CALN1: variants seen among roughly 807,000 people sequenced by gnomAD.
The protein encoded by CALN1 is calneuron 1.
A neutral mutation model predicts 30.6 loss-of-function variants in CALN1; 17 were observed. That is an observed-to-expected ratio of 0.56 (90% CI 0.38 to 0.83). The LOEUF is 0.83. Among genes scored for constraint, CALN1 ranks in the 40% least tolerant of loss-of-function variants. CALN1 has a pLI of 0.00. For missense variants in CALN1, 291 were observed against 354.9 expected (o/e 0.82, Z 1.45); for synonymous variants, 156 against 131.4 (o/e 1.19, Z -1.28).
At chr7:71,972,700 T>G (rs1797908187) in intron 5 of CALN1, among the ~76,000 whole-genome samples, 1 of 152,204 alleles carries the variant, frequency 6.6e-6, no homozygotes, top group Admixed American at 6.5e-5. Flanking sequence ...TTGATTACCA[T>G]GCAGCTTTCA....
chr7:71,930,898 G>C (rs1020380124), intron 5 of CALN1, among the ~76,000 whole-genome samples: 1 of 152,140 alleles, frequency 6.6e-6, no homozygotes. Flanking sequence ...AGTCTTCTCT[G>C]ACTTCTTTGT....
intron 4 of CALN1, among the ~76,000 whole-genome samples, chr7:72,081,382 T>C (rs527477725): frequency 7.6e-6 from 1 of 131,220 alleles, no homozygotes; most frequent in South Asian, 2.4e-4. Flanking sequence ...ATGAGAACAG[T>C]TGGCATAAGA....
chr7:72,113,334 C>A (rs2129541679), intron 3 of CALN1, among the ~76,000 whole-genome samples: 1 of 152,302 alleles, frequency 6.6e-6, no homozygotes, highest in South Asian at 2.1e-4. Flanking sequence ...GATCTTTGCA[C>A]ACACTGGCTC....
At chr7:72,158,842 A>T (rs1787903199) in intron 3 of CALN1, among the ~76,000 whole-genome samples, 2 of 151,702 alleles carry the variant, frequency 1.3e-5, no homozygotes, top group South Asian at 4.2e-4. Context: ...ATTATGTGAG[A>T]TTTATTTATT....
chr7:72,363,764 T>C (rs1169110265), intron 2 of CALN1, among the ~76,000 whole-genome samples: 1 of 144,090 alleles, frequency 6.9e-6, no homozygotes, highest in Non-Finnish European at 1.5e-5. Flanking sequence ...TCTTGCTCTG[T>C]CACCCAGGCT....
In CALN1 at chr7:71,785,157, T is replaced by C; in HGVS notation, c.*2618A>G. On this transcript the variant is annotated 3_prime_UTR_variant, in exon 7 of 7. Coordinates refer to ENST00000395275, the MANE Select transcript of CALN1 (RefSeq NM_031468.4). Reference sequence around the variant, plus strand: ...ATAACTCCTAGGCTGTCAGAAAGAATTCTGTGTCTTCCTTCTTGCCATCTC... The same window carrying C: ...ATAACTCCTAGGCTGTCAGAAAGAACTCTGTGTCTTCCTTCTTGCCATCTC... The C allele has an allele frequency of 3.1e-6, 1 of 322,718 alleles. No homozygotes were observed. The highest frequency in any genetic ancestry group is 5.6e-6 in the Non-Finnish European group (1 of 178,570). 20.0% of individuals were successfully genotyped at this position (322,718 alleles called of 1,614,324 possible). A position where few individuals can be genotyped will look rare whatever the true frequency, so the allele number is the denominator to read the frequency against.
chr7:72,167,013 G>A (rs566457396), intron 3 of CALN1, among the ~76,000 whole-genome samples: 52 of 151,784 alleles, frequency 3.4e-4, no homozygotes, highest in African/African-American at 1.2e-3. Flanking sequence ...CAGCCTGGGC[G>A]ACAGAGCAAG....
chr7:72,408,077 A>G (rs1344330207), intron 1 of CALN1, among the ~76,000 whole-genome samples: 1 of 152,056 alleles, frequency 6.6e-6, no homozygotes, highest in Non-Finnish European at 1.5e-5. Flanking sequence ...GGTGTTCAAT[A>G]AACATATATT....
chr7:72,443,411 C>T (rs1808420472), intron 1 of CALN1, among the ~76,000 whole-genome samples: 1 of 152,124 alleles, frequency 6.6e-6, no homozygotes, highest in African/African-American at 2.4e-5. Context: ...ATGAAGTGCC[C>T]GCCTTTCACG....
At chr7:72,409,934 C>CT (rs1320742435) in intron 1 of CALN1, among the ~76,000 whole-genome samples, 1 of 152,166 alleles carries the variant, frequency 6.6e-6, no homozygotes, top group Non-Finnish European at 1.5e-5. Flanking sequence ...CCCTGTAATG[C>CT]TTGATAATGG....
chr7:72,479,866 TGACTA>T, the CALN1 span, among the ~76,000 whole-genome samples: 1 of 152,190 alleles, frequency 6.6e-6, no homozygotes, highest in African/African-American at 2.4e-5. Flanking sequence ...CACAATTTAT[TGACTA>T]GACTAGCCTC....
intron 5 of CALN1, among the ~76,000 whole-genome samples, chr7:71,997,122 A>C (rs1338277211): frequency 6.6e-6 from 1 of 152,136 alleles, no homozygotes; most frequent in Non-Finnish European, 1.5e-5. Context: ...CCAGCTACTC[A>C]TGCGAGTGAC....
chr7:72,211,061 A>G (rs1792357535), intron 3 of CALN1, among the ~76,000 whole-genome samples: 1 of 152,106 alleles, frequency 6.6e-6, no homozygotes, highest in Non-Finnish European at 1.5e-5. Context: ...CTCTAAAAAA[A>G]TAAGTAAAAT....
chr7:71,899,689 G>C (rs1793743433), intron 5 of CALN1, among the ~76,000 whole-genome samples: 1 of 152,040 alleles, frequency 6.6e-6, no homozygotes, highest in Non-Finnish European at 1.5e-5. Flanking sequence ...AAATAAACAG[G>C]AAAGAATAAT....
intron 5 of CALN1, among the ~76,000 whole-genome samples, chr7:71,925,314 A>AT (rs947486849): frequency 5.3e-5 from 8 of 150,754 alleles, no homozygotes; most frequent in South Asian, 2.1e-4. Flanking sequence ...AAGAAGAAAG[A>AT]TTGATTTATA....
Position 72,207,776 on chromosome 7 carries a change from G to A in CALN1, c.244+70910C>T, listed in dbSNP as rs541163957. On this transcript the variant is annotated intron_variant, in intron 3 of 6. Transcript: ENST00000395275. Reference sequence around the variant, plus strand: ...AAGTGGATAATGGTTATATATGACAGGTGGAACTCTGGGCGACTTTTATTT... The same window carrying A: ...AAGTGGATAATGGTTATATATGACAAGTGGAACTCTGGGCGACTTTTATTT... Among the ~76,000 whole-genome samples, 317 of 152,222 alleles carry A rather than the reference G, an allele frequency of 2.1e-3. 2 individuals are homozygous for A. The highest frequency in any genetic ancestry group is 0.017 in the Middle Eastern group (5 of 294).
intron 3 of CALN1, among the ~76,000 whole-genome samples, chr7:72,189,095 G>C (rs2129546674): frequency 6.6e-6 from 1 of 152,316 alleles, no homozygotes; most frequent in South Asian, 2.1e-4. Context: ...AAAATTAAGA[G>C]ACTCTTAACC....
chr7:72,383,962 G>A (rs1208941003), intron 2 of CALN1, among the ~76,000 whole-genome samples: 2 of 152,128 alleles, frequency 1.3e-5, no homozygotes, highest in Non-Finnish European at 2.9e-5. Flanking sequence ...TATACCCAAA[G>A]GATTATAAAT....
At chr7:72,064,824 C>T (rs1803904231) in intron 4 of CALN1, among the ~76,000 whole-genome samples, 1 of 151,840 alleles carries the variant, frequency 6.6e-6, no homozygotes, top group African/African-American at 2.4e-5. Context: ...ATAAGGGACA[C>T]TCAACTTGCA....
Sources: gnomAD v4.1 joint callset for allele counts (sites outside exome capture counted in the v4.1 genomes callset) on GRCh38, gnomAD v4.1.1 for gene constraint, MANE v1.5 for transcripts, NCBI Gene and HGNC (gene_info 2026-07-23, HGNC 2026-07-21) for gene names.